PTPRQ: variants seen among roughly 807,000 people sequenced by gnomAD.
PTPRQ encodes the protein protein tyrosine phosphatase receptor type Q, also known as phosphatidylinositol phosphatase PTPRQ.
A neutral mutation model predicts 246.0 loss-of-function variants in PTPRQ; 199 were observed. That is an observed-to-expected ratio of 0.81 (90% CI 0.72 to 0.91). The LOEUF (loss-of-function observed/expected upper bound fraction) is 0.91. Among genes scored for constraint, PTPRQ ranks in the 40% least tolerant of loss-of-function variants. The pLI is 0.00. For synonymous variants in PTPRQ, 869 were observed against 853.2 expected (o/e 1.02, Z -0.32); for missense variants, 2,624 against 2,528.4 (o/e 1.04, Z -0.81).
intron 7 of PTPRQ, among the ~76,000 whole-genome samples, chr12:80,471,313 A>G (rs1379703046): frequency 6.6e-6 from 1 of 152,002 alleles, no homozygotes; most frequent in Non-Finnish European, 1.5e-5. Flanking sequence ...TTCTCAGGAA[A>G]GAGCCAGTTT....
chr12:80,620,736 G>A (rs1247575514), intron 32 of PTPRQ, among the ~76,000 whole-genome samples: 2 of 151,758 alleles, frequency 1.3e-5, no homozygotes, highest in African/African-American at 4.8e-5. Flanking sequence ...TACCATCCAT[G>A]CTGATGTACA....
chr12:80,581,054 C>A (rs923035526), intron 25 of PTPRQ, among the ~76,000 whole-genome samples: 5 of 152,132 alleles, frequency 3.3e-5, no homozygotes, highest in Non-Finnish European at 7.4e-5. Flanking sequence ...AAAATCTGAA[C>A]ATTGGAGGAA....
intron 1 of PTPRQ, 93 bp downstream of exon 1, chr12:80,444,492 G>C: frequency 1.3e-6 from 1 of 794,950 alleles, no homozygotes; most frequent in East Asian, 2.7e-5. Flanking sequence ...CAGTGAACTA[G>C]GATAGATAGA....
intron 23 of PTPRQ, among the ~76,000 whole-genome samples, chr12:80,544,342 A>T (rs917995560): frequency 1.3e-5 from 2 of 152,224 alleles, no homozygotes; most frequent in Admixed American, 6.6e-5. Flanking sequence ...GAACAAAAAA[A>T]CTGTCCAACA....
chr12:80,602,013 C>G (rs1339176280), intron 26 of PTPRQ, among the ~76,000 whole-genome samples: 2 of 151,688 alleles, frequency 1.3e-5, no homozygotes, highest in Non-Finnish European at 3.0e-5. Flanking sequence ...TCTCTTAGCT[C>G]ATCAAATCGA....
intron 35 of PTPRQ, 89 bp from the exon 36 acceptor site, chr12:80,648,805 TTTA>T: frequency 8.6e-7 from 1 of 1,166,316 alleles, no homozygotes. Context: ...ACATTATTGA[TTTA>T]TTATAATTTT....
rs1222444187 is a variant in PTPRQ, at chr12:80,620,382, T to C, written c.5612+6T>C. ...AAACCAAAAAAGCAATACTTGTAAG[T>C]ATAGGTTATATCTACCATGCATTCT... is the stretch of plus-strand genomic sequence containing the variant. On this transcript the variant is annotated splice_donor_region_variant and intron_variant, in intron 32 of 44. Coordinates refer to ENST00000644991, the MANE Select transcript of PTPRQ (RefSeq NM_001145026.2). 8 of 1,548,192 alleles carry C rather than the reference T, an allele frequency of 5.2e-6. No homozygotes were observed. Among genetic ancestry groups the C allele is most frequent in the African/African-American group, 1.4e-5 (1 of 72,754 alleles).
chr12:80,467,281 T>G (rs10862133), intron 6 of PTPRQ, among the ~76,000 whole-genome samples: 85,287 of 151,410 alleles, frequency 0.56, 25,470 homozygotes, highest in South Asian at 0.69. Context: ...GGCCATCAGA[T>G]AAATGCAAAT....
intron 23 of PTPRQ, among the ~76,000 whole-genome samples, chr12:80,544,316 TAC>T (rs1896242176): frequency 6.6e-6 from 1 of 151,794 alleles, no homozygotes; most frequent in Non-Finnish European, 1.5e-5. Context: ...GCTGTAATTG[TAC>T]ACAGTTTTTA....
intron 17 of PTPRQ, among the ~76,000 whole-genome samples, chr12:80,532,780 G>C (rs1895881491): frequency 6.6e-6 from 1 of 152,146 alleles, no homozygotes. Context: ...GGCTAATCCT[G>C]CCTGTCTCCA....
intron 39 of PTPRQ, among the ~76,000 whole-genome samples, chr12:80,662,718 C>A (rs1900670494): frequency 6.6e-6 from 1 of 151,898 alleles, no homozygotes; most frequent in African/African-American, 2.4e-5. Context: ...AATTTAAGGA[C>A]TGCAATGAAA....
chr12:80,470,453 G>A (rs1893587919), intron 7 of PTPRQ, among the ~76,000 whole-genome samples: 1 of 152,116 alleles, frequency 6.6e-6, no homozygotes, highest in South Asian at 2.1e-4. Context: ...GGTATTAGAG[G>A]TCTGAGCAGA....
At chr12:80,558,401 C>A (rs982553291) in intron 25 of PTPRQ, among the ~76,000 whole-genome samples, 2 of 150,964 alleles carry the variant, frequency 1.3e-5, no homozygotes, top group Admixed American at 6.6e-5. Context: ...CTCCTGAGCT[C>A]AGGCAATGTG....
At chr12:80,573,305 C>G (rs533886177) in intron 25 of PTPRQ, among the ~76,000 whole-genome samples, 2 of 152,232 alleles carry the variant, frequency 1.3e-5, no homozygotes, top group East Asian at 3.9e-4. Flanking sequence ...CTGGCTAACA[C>G]AGTGAAACCC....
chr12:80,466,313 C>G (rs12370027), intron 6 of PTPRQ, among the ~76,000 whole-genome samples: 44,340 of 151,876 alleles, frequency 0.29, 6,851 homozygotes, highest in African/African-American at 0.36. Context: ...TGTGAAGGAC[C>G]TCTTCAAGGA....
At chr12:80,472,306 A>G in intron 8 of PTPRQ, 55 bp downstream of exon 8, 5 of 1,534,374 alleles carry the variant, frequency 3.3e-6, no homozygotes, top group Non-Finnish European at 4.4e-6. Flanking sequence ...AACTTCATGA[A>G]TTGGTAAAAC....
At chr12:80,536,989 G>A (rs561950026) in intron 19 of PTPRQ, among the ~76,000 whole-genome samples, 3 of 152,088 alleles carry the variant, frequency 2.0e-5, no homozygotes, top group Non-Finnish European at 4.4e-5. Flanking sequence ...TCAAACTATG[G>A]TTCCAACGTG....
chr12:80,491,096 C>T (rs1894434905), intron 9 of PTPRQ, among the ~76,000 whole-genome samples: 1 of 151,878 alleles, frequency 6.6e-6, no homozygotes, highest in South Asian at 2.1e-4. Flanking sequence ...TTCGGGTCAA[C>T]TCTCACTTTG....
At chr12:80,619,012 T>C (rs1898873350) in intron 30 of PTPRQ, among the ~76,000 whole-genome samples, 1 of 151,508 alleles carries the variant, frequency 6.6e-6, no homozygotes, top group Non-Finnish European at 1.5e-5. Context: ...CAGAAATTAG[T>C]AAACCAGCTA....
Sources: allele counts gnomAD v4.1 joint callset (sites outside exome capture counted in the v4.1 genomes callset), GRCh38; gene constraint gnomAD v4.1.1; transcripts MANE v1.5; gene names NCBI Gene and HGNC (gene_info 2026-07-23, HGNC 2026-07-21).